The following RHOJ variants were observed in gnomAD, a reference collection of about 807,000 sequenced individuals.
RHOJ encodes the protein rho-related GTP-binding protein RhoJ.
Under a neutral mutation model 23.4 loss-of-function variants are expected in RHOJ, and 11 were observed. The ratio of observed to expected loss-of-function variants is 0.47; its 90% CI spans 0.30 to 0.78. The LOEUF is 0.78. Among genes scored for constraint, RHOJ ranks in the 30% least tolerant of loss-of-function variants. RHOJ has a pLI of 0.08. For synonymous variants in RHOJ, 102 were observed against 102.7 expected, an observed-to-expected ratio of 0.99 and a Z score of 0.04; for missense variants, 254 against 273.4, an observed-to-expected ratio of 0.93 and a Z score of 0.50.
At chr14:63,284,858 T>C (rs1882031193) in intron 4 of RHOJ, among the ~76,000 whole-genome samples, 1 of 152,066 alleles carries the variant, frequency 6.6e-6, no homozygotes, top group Non-Finnish European at 1.5e-5. Flanking sequence ...TGAAAAGAAG[T>C]CGTTTCAAAG....
chr14:63,230,028 C>T (rs1361958580), intron 1 of RHOJ, among the ~76,000 whole-genome samples: 1 of 152,136 alleles, frequency 6.6e-6, no homozygotes, highest in Non-Finnish European at 1.5e-5. Context: ...ATTTAATGAC[C>T]TGAGAACACC....
chr14:63,248,019 C>T (rs1193898975), intron 1 of RHOJ, among the ~76,000 whole-genome samples: 1 of 152,044 alleles, frequency 6.6e-6, no homozygotes, highest in African/African-American at 2.4e-5. Flanking sequence ...GAAACTGCCC[C>T]CATAAATCAA....
chr14:63,259,837 C>A (rs1895242389), intron 1 of RHOJ, among the ~76,000 whole-genome samples: 3 of 152,052 alleles, frequency 2.0e-5, no homozygotes, highest in Admixed American at 2.0e-4. Flanking sequence ...AACCCATATT[C>A]TGGCTGGCGA....
chr14:63,221,864 C>A (rs1287591984), intron 1 of RHOJ, among the ~76,000 whole-genome samples: 2 of 151,862 alleles, frequency 1.3e-5, no homozygotes, highest in Non-Finnish European at 1.5e-5. Flanking sequence ...AGGGTACATG[C>A]GCACAACGTG....
chr14:63,275,802 G>A (rs112442282), intron 2 of RHOJ, among the ~76,000 whole-genome samples: 1 of 152,060 alleles, frequency 6.6e-6, no homozygotes, highest in East Asian at 1.9e-4. Context: ...TCTCGTAGCC[G>A]CTTGACATCA....
intron 4 of RHOJ, 96 bp from the exon 5 acceptor site, chr14:63,290,782 C>A: frequency 8.2e-7 from 1 of 1,220,568 alleles, no homozygotes; most frequent in Non-Finnish European, 1.1e-6. Context: ...GTTTGTAGGA[C>A]AGGCAGAAGT....
rs112343542 is a variant in RHOJ, at chr14:63,244,025, C to G, written c.179-25085C>G. Reference sequence around the variant, plus strand: ...AATTGATTAACAGTACATATTCCTACTCAGAACATGTACGACATTCATTTC... The same window carrying G: ...AATTGATTAACAGTACATATTCCTAGTCAGAACATGTACGACATTCATTTC... On this transcript the variant is annotated intron_variant, in intron 1 of 4. Transcript: ENST00000316754. 1.6e-3 allele frequency among the ~76,000 whole-genome samples: 246 copies of G among 152,310 alleles called. 1 individual carries two copies. Among genetic ancestry groups the G allele is most frequent in the African/African-American group, 5.8e-3 (239 of 41,560 alleles).
chr14:63,207,351 C>T (rs66514279), intron 1 of RHOJ, among the ~76,000 whole-genome samples: 24,788 of 152,110 alleles, frequency 0.16, 2,826 homozygotes, highest in African/African-American at 0.33. Context: ...TTTCTATAAG[C>T]AGAGGGATCT....
chr14:63,244,438 G>A lies in RHOJ; in HGVS notation c.179-24672G>A, dbSNP rs180812467. On this transcript the variant is annotated intron_variant, in intron 1 of 4. Coordinates refer to ENST00000316754, the MANE Select transcript of RHOJ (RefSeq NM_020663.5). ...AAAAAAAAAAAAAAATTAGCCAGGC[G>A]TGGTGGCACATACCTGTAATCCCAG... Among the ~76,000 whole-genome samples the A allele has an allele frequency of 5.1e-3, 779 of 151,688 alleles. 3 individuals are homozygous for A. The highest frequency in any genetic ancestry group is 0.044 in the Middle Eastern group (13 of 294).
chr14:63,212,188 G>C (rs1894251934), intron 1 of RHOJ, among the ~76,000 whole-genome samples: 1 of 152,130 alleles, frequency 6.6e-6, no homozygotes, highest in Non-Finnish European at 1.5e-5. Flanking sequence ...GGCCAGGCCT[G>C]GAAGTGACAA....
chr14:63,210,917 G>A (rs943482189), intron 1 of RHOJ, among the ~76,000 whole-genome samples: 3 of 152,122 alleles, frequency 2.0e-5, no homozygotes, highest in Non-Finnish European at 2.9e-5. Context: ...CCCTCCTAGA[G>A]CTTCTTTGTT....
chr14:63,260,719 C>T (rs1895256734), intron 1 of RHOJ, among the ~76,000 whole-genome samples: 1 of 152,196 alleles, frequency 6.6e-6, no homozygotes, highest in Non-Finnish European at 1.5e-5. Context: ...CTTAAGGCTG[C>T]TCCGTAACTG....
Position 63,269,150 on chromosome 14 carries a change from G to C in RHOJ, c.219G>C (p.Leu73=), listed in dbSNP as rs1352918367. ...TVGGKQHLLG[L]YDTAGQEDYN... ...GAGGCAAGCAACACTTGCTCGGACT[G>C]TATGACACCGCGGGACAGGTACATT... The change falls in exon 2 of 5, where the codon CTG becomes CTC. Residue 73 remains leucine, a synonymous_variant. Coordinates refer to ENST00000316754, the MANE Select transcript of RHOJ (RefSeq NM_020663.5). 5.6e-6 allele frequency: 9 copies of C among 1,612,992 alleles called. No individual in the cohort carries two copies. Among genetic ancestry groups the C allele is most frequent in the Non-Finnish European group, 6.8e-6 (8 of 1,179,048 alleles).
intron 1 of RHOJ, among the ~76,000 whole-genome samples, chr14:63,235,292 T>G (rs558094056): frequency 6.6e-6 from 1 of 151,360 alleles, no homozygotes; most frequent in East Asian, 2.0e-4. Flanking sequence ...TTAAGCTGAT[T>G]GGATCCTGAT....
chr14:63,266,012 G>A (rs959917704), intron 1 of RHOJ, among the ~76,000 whole-genome samples: 10 of 152,124 alleles, frequency 6.6e-5, no homozygotes, highest in African/African-American at 1.9e-4. Flanking sequence ...GAGAACAAAC[G>A]GTAAGCGTCT....
At chr14:63,222,656 A>G (rs1192918612) in intron 1 of RHOJ, among the ~76,000 whole-genome samples, 7 of 151,884 alleles carry the variant, frequency 4.6e-5, no homozygotes, top group African/African-American at 1.7e-4. Flanking sequence ...TCCTTCACCT[A>G]CTTTTTGATG....
chr14:63,266,305 G>T (rs1895365624), intron 1 of RHOJ, among the ~76,000 whole-genome samples: 1 of 152,144 alleles, frequency 6.6e-6, no homozygotes, highest in African/African-American at 2.4e-5. Context: ...GTTAATGCTG[G>T]TCAGCTGTGC....
chr14:63,213,652 C>T (rs962539871), intron 1 of RHOJ, among the ~76,000 whole-genome samples: 3 of 152,080 alleles, frequency 2.0e-5, no homozygotes, highest in African/African-American at 7.2e-5. Context: ...GATATATACC[C>T]AGTAATAGGA....
intron 1 of RHOJ, among the ~76,000 whole-genome samples, chr14:63,267,283 T>C: frequency 6.6e-6 from 1 of 152,134 alleles, no homozygotes; most frequent in East Asian, 1.9e-4. Flanking sequence ...CTGGAGAGAA[T>C]GACTGAGAAA....
Sources: allele counts gnomAD v4.1 joint callset (sites outside exome capture counted in the v4.1 genomes callset), GRCh38; gene constraint gnomAD v4.1.1; transcripts MANE v1.5; gene names NCBI Gene and HGNC (gene_info 2026-07-23, HGNC 2026-07-21).